The following DST variants were observed in gnomAD, a reference collection of about 807,000 sequenced individuals.
The protein encoded by DST is dystonin.
In DST, 253 loss-of-function variants were observed where a neutral mutation model predicts 875.2. The ratio of observed to expected loss-of-function variants is 0.29; its 90% CI spans 0.26 to 0.32. The LOEUF is 0.32. Ranked by LOEUF, DST falls within the 10% of genes least tolerant of loss-of-function variation. DST has a pLI of 1.00. For synonymous variants in DST, 3,124 were observed against 3,197.1 expected, an observed-to-expected ratio of 0.98 and a Z score of 0.77; for missense variants, 8,287 against 9,111.6, an observed-to-expected ratio of 0.91 and a Z score of 3.68.
chr6:56,926,865 G>A (rs1187061242), intron 2 of DST, among the ~76,000 whole-genome samples: 2 of 152,096 alleles, frequency 1.3e-5, no homozygotes, highest in South Asian at 2.1e-4. Flanking sequence ...AGGAAGAAGG[G>A]ACACAAAACA....
chr6:56,834,549 A>G (rs2099791188), intron 4 of DST, among the ~76,000 whole-genome samples: 1 of 152,146 alleles, frequency 6.6e-6, no homozygotes, highest in Admixed American at 6.5e-5. Context: ...GTGAGCCAAG[A>G]TCGTGCCTCT....
intron 82 of DST, among the ~76,000 whole-genome samples, chr6:56,496,502 T>A (rs2397226): frequency 0.23 from 34,467 of 151,870 alleles, 4,509 homozygotes; most frequent in Middle Eastern, 0.41. Flanking sequence ...AACAAGAGTA[T>A]ATTTTCTAAC....
intron 4 of DST, among the ~76,000 whole-genome samples, chr6:56,847,844 CATATT>C (rs1387176630): frequency 6.6e-6 from 1 of 152,156 alleles, no homozygotes; most frequent in African/African-American, 2.4e-5. Context: ...ATCCATTTAT[CATATT>C]AGACTATGAC....
At chr6:56,669,323 T>C (rs1008892438) in intron 10 of DST, among the ~76,000 whole-genome samples, 120 of 141,412 alleles carry the variant, frequency 8.5e-4, no homozygotes, top group African/African-American at 2.9e-3. Context: ...TAAAGAAATA[T>C]ATAGTTTTCA....
chr6:56,701,208 A>G (rs2099303599), intron 8 of DST, among the ~76,000 whole-genome samples: 1 of 151,920 alleles, frequency 6.6e-6, no homozygotes, highest in Admixed American at 6.6e-5. Flanking sequence ...CACTGTCTTC[A>G]ATAATTTTGA....
chr6:56,617,298 TG>T, intron 36 of DST: 1 of 1,613,664 alleles, frequency 6.2e-7, no homozygotes, highest in Non-Finnish European at 8.5e-7. Flanking sequence ...TCCCCTTTCT[TG>T]AGTCCACCAG....
At chr6:56,770,249 A>G (rs1045610890) in intron 4 of DST, among the ~76,000 whole-genome samples, 1 of 152,232 alleles carries the variant, frequency 6.6e-6, no homozygotes, top group African/African-American at 2.4e-5. Context: ...CAAATCATGA[A>G]AAGTCCCACT....
At chr6:56,491,682 T>C (rs560908707) in intron 85 of DST, among the ~76,000 whole-genome samples, 53 of 152,236 alleles carry the variant, frequency 3.5e-4, no homozygotes, top group South Asian at 6.2e-4. Flanking sequence ...CTCAAAATAT[T>C]AGAGAAGAAA....
intron 5 of DST, among the ~76,000 whole-genome samples, chr6:56,726,925 C>T (rs1223223321): frequency 2.0e-5 from 3 of 152,150 alleles, no homozygotes; most frequent in African/African-American, 7.2e-5. Flanking sequence ...ATAACCTGTC[C>T]TTATGCAGCT....
At chr6:56,729,064 G>C (rs1181107245) in intron 5 of DST, among the ~76,000 whole-genome samples, 4 of 151,760 alleles carry the variant, frequency 2.6e-5, no homozygotes, top group Non-Finnish European at 5.9e-5. Flanking sequence ...ATTAACAAGA[G>C]CTCAATCTGG....
chr6:56,906,320 C>G (rs1592317786), intron 2 of DST, among the ~76,000 whole-genome samples: 1 of 152,200 alleles, frequency 6.6e-6, no homozygotes, highest in East Asian at 1.9e-4. Flanking sequence ...AAAGCAGCCC[C>G]AAATCATTTT....
At chr6:56,696,944 A>C (rs555695010) in intron 9 of DST, among the ~76,000 whole-genome samples, 1 of 152,114 alleles carries the variant, frequency 6.6e-6, no homozygotes, top group South Asian at 2.1e-4. Context: ...TCCCCTGAAG[A>C]TCCCTTCTTT....
At chr6:56,784,999 CCT>C (rs1160259988) in intron 4 of DST, among the ~76,000 whole-genome samples, 3 of 152,150 alleles carry the variant, frequency 2.0e-5, no homozygotes, top group Non-Finnish European at 2.9e-5. Flanking sequence ...CACTCCAGAC[CCT>C]GTTTGCCTGG....
chr6:56,606,299 C>T lies in DST; in HGVS notation c.8329G>A (p.Glu2777Lys), dbSNP rs1055092902. The change falls in exon 40 of 104, where the codon GAA becomes AAA. Residue 2777 changes from glutamate to lysine, a missense_variant. Coordinates refer to ENST00000680361, the MANE Select transcript of DST (RefSeq NM_001374736.1). The stretch of plus-strand genomic sequence containing the variant: ...AAATGATCAGTATCGGAGTGAAATT[C>T]CTGTCCAGTTACATACTCTTCCTTT... ...GRKEEYVTGQEFHSDTDHLDS... is the reference protein window; with the variant it reads ...GRKEEYVTGQKFHSDTDHLDS... The T allele has an allele frequency of 6.2e-7, 1 of 1,601,084 alleles. No individual in the cohort carries two copies. Among genetic ancestry groups the T allele is most frequent in the Non-Finnish European group, 8.5e-7 (1 of 1,173,022 alleles).
intron 34 of DST, among the ~76,000 whole-genome samples, chr6:56,625,992 C>CAAAAA (rs202184328): frequency 7.0e-6 from 1 of 141,858 alleles, no homozygotes; most frequent in African/African-American, 2.7e-5. Flanking sequence ...AAAAAAAAAC[C>CAAAAA]AAAAATTAAA....
At chr6:56,471,940 T>C (rs190549307) in intron 94 of DST, 119 bp downstream of exon 94, 2 of 1,000,176 alleles carry the variant, frequency 2.0e-6, no homozygotes, top group East Asian at 2.4e-5. Flanking sequence ...TGTACTCAAA[T>C]AGCAAGAGTT....
chr6:56,807,986 T>A (rs1590884903), intron 4 of DST, among the ~76,000 whole-genome samples: 1 of 152,154 alleles, frequency 6.6e-6, no homozygotes, highest in Non-Finnish European at 1.5e-5. Flanking sequence ...TAGAAAAAAA[T>A]GTACTAGTCT....
chr6:56,655,878 C>T (rs1450509114), intron 10 of DST, among the ~76,000 whole-genome samples: 1 of 152,216 alleles, frequency 6.6e-6, no homozygotes, highest in Non-Finnish European at 1.5e-5. Context: ...TTTTTCATAA[C>T]TATATATCTG....
intron 49 of DST, among the ~76,000 whole-genome samples, chr6:56,580,515 A>G (rs1440880326): frequency 6.6e-6 from 1 of 151,926 alleles, no homozygotes; most frequent in Admixed American, 6.6e-5. Context: ...TGCTACTGTT[A>G]ATTCCAGCCT....
Sources: allele counts gnomAD v4.1 joint callset (sites outside exome capture counted in the v4.1 genomes callset), GRCh38; gene constraint gnomAD v4.1.1; transcripts MANE v1.5; gene names NCBI Gene and HGNC (gene_info 2026-07-23, HGNC 2026-07-21).